The following ROBO1 variants were observed in gnomAD, a reference collection of about 807,000 sequenced individuals.
The protein encoded by ROBO1 is roundabout homolog 1.
A neutral mutation model predicts 195.9 loss-of-function variants in ROBO1; 149 were observed. The ratio of observed to expected loss-of-function variants is 0.76; its 90% CI spans 0.67 to 0.87. The LOEUF (loss-of-function observed/expected upper bound fraction) is 0.87, where lower values mean the gene tolerates loss of function less well. Ranked by LOEUF, ROBO1 falls within the 40% of genes least tolerant of loss-of-function variation. The probability of loss-of-function intolerance (pLI) is 0.00; values close to 1 mark genes in which losing one functional copy is unlikely to be tolerated. For missense variants in ROBO1, 1,933 were observed against 2,068.3 expected, an observed-to-expected ratio of 0.93 and a Z score of 1.27; for synonymous variants, 816 against 733.2, an observed-to-expected ratio of 1.11 and a Z score of -1.82.
At chr3:79,390,642 T>G (rs190576206) in intron 2 of ROBO1, among the ~76,000 whole-genome samples, 4 of 152,142 alleles carry the variant, frequency 2.6e-5, no homozygotes, top group African/African-American at 4.8e-5. Flanking sequence ...TGATCTGCAT[T>G]CAACAAAATG....
chr3:79,125,362 GGAT>G, intron 3 of ROBO1, 91 bp downstream of exon 3: 1 of 980,188 alleles, frequency 1.0e-6, no homozygotes, highest in Non-Finnish European at 1.6e-6. Context: ...CTGGAAGCAG[GGAT>G]GATTCGATTA....
chr3:78,661,291 T>C (rs1212479445), intron 15 of ROBO1, 30 bp from the exon 16 acceptor site: 1 of 1,299,272 alleles, frequency 7.7e-7, no homozygotes, highest in East Asian at 2.4e-5. Context: ...AATGTAATTA[T>C]TCATATTATT....
chr3:79,691,969 T>G (rs981350290), intron 1 of ROBO1, among the ~76,000 whole-genome samples: 1 of 151,918 alleles, frequency 6.6e-6, no homozygotes, highest in African/African-American at 2.4e-5. Context: ...CTTTATCAAG[T>G]GTATCTTCCA....
intron 2 of ROBO1, among the ~76,000 whole-genome samples, chr3:79,388,585 C>T (rs2036838372): frequency 6.6e-6 from 1 of 151,840 alleles, no homozygotes; most frequent in South Asian, 2.1e-4. Flanking sequence ...CTGGTCAGAA[C>T]AGTTGGCCCT....
At chr3:78,831,262 ACT>A (rs1329123086) in intron 4 of ROBO1, among the ~76,000 whole-genome samples, 1 of 151,860 alleles carries the variant, frequency 6.6e-6, no homozygotes, top group Non-Finnish European at 1.5e-5. Flanking sequence ...CAAATGGGAA[ACT>A]CTGATATAAA....
chr3:79,752,515 T>C (rs1041551539), intron 1 of ROBO1, among the ~76,000 whole-genome samples: 3 of 152,060 alleles, frequency 2.0e-5, no homozygotes, highest in South Asian at 4.2e-4. Context: ...GTAGGGTGTT[T>C]CAATCAAGTG....
At chr3:79,519,876 C>A (rs962890097) in intron 2 of ROBO1, among the ~76,000 whole-genome samples, 4 of 151,876 alleles carry the variant, frequency 2.6e-5, no homozygotes, top group African/African-American at 7.3e-5. Flanking sequence ...AGAGACCTTG[C>A]AGCTGGGCAC....
chr3:78,801,844 G>C (rs1299122490), intron 4 of ROBO1, among the ~76,000 whole-genome samples: 1 of 152,110 alleles, frequency 6.6e-6, no homozygotes, highest in African/African-American at 2.4e-5. Flanking sequence ...ATTTACAAAT[G>C]TGATATATAA....
chr3:79,432,123 C>T lies in ROBO1; in HGVS notation c.88+157701G>A, dbSNP rs117690866. The stretch of plus-strand genomic sequence containing the variant: ...ATTTCTTTTTGTTTTTTAGATTTAG[C>T]GAAATGTTTTTATTGTAAAGAAAGA... On this transcript the variant is annotated intron_variant, in intron 2 of 30. Coordinates refer to ENST00000464233, the MANE Select transcript of ROBO1 (RefSeq NM_002941.4). Among the ~76,000 whole-genome samples, 124 of 151,942 alleles carry T rather than the reference C, an allele frequency of 8.2e-4. No individual in the cohort carries two copies. In the East Asian group the frequency reaches 0.02, roughly 25 times the overall value.
At chr3:78,696,445 G>A (rs560860186) in intron 8 of ROBO1, among the ~76,000 whole-genome samples, 4 of 152,170 alleles carry the variant, frequency 2.6e-5, no homozygotes, top group African/African-American at 9.6e-5. Flanking sequence ...CAAGGTCACA[G>A]GGGGTTCACC....
rs116798344 is a variant in ROBO1 at position 78,613,556 on chromosome 3, G to A, written c.4435+1092C>T. 9.2e-3 allele frequency among the ~76,000 whole-genome samples: 1,397 copies of A among 152,248 alleles called. 31 individuals are homozygous for A. The highest frequency in any genetic ancestry group is 0.031 in the African/African-American group (1,301 of 41,528). ...AGGAGGCCCAGGTGCGCTGTGTCAC[G>A]CCAGTATTTAATGTAGTCTAATATC... On this transcript the variant is annotated intron_variant, in intron 28 of 30. Coordinates refer to ENST00000464233, the MANE Select transcript of ROBO1 (RefSeq NM_002941.4).
chr3:78,972,984 A>C (rs2076802601), intron 3 of ROBO1, among the ~76,000 whole-genome samples: 1 of 152,304 alleles, frequency 6.6e-6, no homozygotes, highest in African/African-American at 2.4e-5. Context: ...AAAATAAAAC[A>C]ACCACACAAA....
chr3:79,468,011 T>C (rs1245787947), intron 2 of ROBO1, among the ~76,000 whole-genome samples: 1 of 152,184 alleles, frequency 6.6e-6, no homozygotes, highest in Non-Finnish European at 1.5e-5. Flanking sequence ...ATGGAATTCC[T>C]GTAATATACC....
At chr3:79,531,304 T>A (rs1013683997) in intron 2 of ROBO1, among the ~76,000 whole-genome samples, 1 of 152,198 alleles carries the variant, frequency 6.6e-6, no homozygotes, top group Non-Finnish European at 1.5e-5. Context: ...ACTCAGCAGC[T>A]ATGTAAATAT....
At chr3:79,553,497 A>G (rs1221235813) in intron 2 of ROBO1, among the ~76,000 whole-genome samples, 2 of 152,102 alleles carry the variant, frequency 1.3e-5, no homozygotes, top group Admixed American at 6.6e-5. Context: ...GAGAATTTCA[A>G]TATCAACTTC....
At chr3:79,150,291 G>T (rs1208402880) in intron 2 of ROBO1, among the ~76,000 whole-genome samples, 1 of 151,212 alleles carries the variant, frequency 6.6e-6, no homozygotes, top group African/African-American at 2.4e-5. Context: ...GGATATAATG[G>T]CAACTTCTAA....
intron 2 of ROBO1, among the ~76,000 whole-genome samples, chr3:79,288,595 G>C (rs2032036324): frequency 6.6e-6 from 1 of 152,136 alleles, no homozygotes; most frequent in African/African-American, 2.4e-5. Context: ...TTGAAATCAA[G>C]GAGGCCAGAT....
intron 3 of ROBO1, among the ~76,000 whole-genome samples, chr3:79,076,453 AT>A (rs1292493389): frequency 6.6e-6 from 1 of 151,460 alleles, no homozygotes; most frequent in Non-Finnish European, 1.5e-5. Flanking sequence ...TTCAATAAGA[AT>A]GGGGAAACTA....
intron 2 of ROBO1, among the ~76,000 whole-genome samples, chr3:79,331,801 A>G (rs1185974295): frequency 1.3e-5 from 2 of 152,200 alleles, no homozygotes; most frequent in Non-Finnish European, 2.9e-5. Flanking sequence ...ATTGTCTGCT[A>G]AAGTATGCTG....
Sources: allele counts gnomAD v4.1 joint callset (sites outside exome capture counted in the v4.1 genomes callset), GRCh38; gene constraint gnomAD v4.1.1; transcripts MANE v1.5; gene names NCBI Gene and HGNC (gene_info 2026-07-23, HGNC 2026-07-21).